Variants in PDE4D observed in about 807,000 individuals in gnomAD.
PDE4D encodes 3',5'-cyclic-AMP phosphodiesterase 4D.
A neutral mutation model predicts 87.4 loss-of-function variants in PDE4D; 24 were observed. The ratio of observed to expected loss-of-function variants is 0.27; its 90% CI spans 0.20 to 0.39. PDE4D has a LOEUF of 0.39. PDE4D is among the 10% of genes least tolerant of loss of function. The pLI is 1.00. For missense variants in PDE4D, 714 were observed against 1,041.0 expected (o/e 0.69, Z 4.32); for synonymous variants, 384 against 383.2 (o/e 1.00, Z -0.02).
intron 1 of PDE4D, among the ~76,000 whole-genome samples, chr5:60,321,723 G>A (rs1489538202): frequency 1.3e-5 from 2 of 152,024 alleles, no homozygotes; most frequent in Non-Finnish European, 2.9e-5. Flanking sequence ...CCATCACAAA[G>A]TGAGCAAAGG....
chr5:59,596,152 C>T (rs1445581557), intron 1 of PDE4D, among the ~76,000 whole-genome samples: 1 of 151,464 alleles, frequency 6.6e-6, no homozygotes, highest in Non-Finnish European at 1.5e-5. Flanking sequence ...TATATAATTA[C>T]ACATCATTGG....
chr5:59,934,089 T>A lies in PDE4D; in HGVS notation c.272+54399A>T, dbSNP rs191865360. Among the ~76,000 whole-genome samples the A allele has an allele frequency of 2.9e-4, 44 of 152,236 alleles. No homozygotes were observed. In the East Asian group the frequency reaches 8.3e-3, roughly 29 times the overall value. Reference sequence around the variant, plus strand: ...ACTTCCGCCTCCCAGGCTCAAACGATTCTCCTGCCCCAGCCTCCAGGCACT... The same window carrying A: ...ACTTCCGCCTCCCAGGCTCAAACGAATCTCCTGCCCCAGCCTCCAGGCACT... On this transcript the variant is annotated intron_variant, in intron 3 of 16. Coordinates refer to the PDE4D transcript ENST00000502484.
intron 3 of PDE4D, among the ~76,000 whole-genome samples, chr5:59,934,780 C>T (rs187161859): frequency 2.2e-4 from 34 of 151,978 alleles, no homozygotes; most frequent in African/African-American, 7.2e-4. Flanking sequence ...AAGATTGGTA[C>T]GAGATCTTTA....
intron 2 of PDE4D, among the ~76,000 whole-genome samples, chr5:59,998,165 T>C (rs893033794): frequency 2.6e-5 from 4 of 152,318 alleles, no homozygotes; most frequent in African/African-American, 9.6e-5. Context: ...GTTTAGCTGA[T>C]ATCAATGTTC....
chr5:59,096,095 T>A (rs1769654312), intron 5 of PDE4D, among the ~76,000 whole-genome samples: 1 of 152,112 alleles, frequency 6.6e-6, no homozygotes, highest in Non-Finnish European at 1.5e-5. Flanking sequence ...TGGGAGTTAG[T>A]GGTAGGGGCA....
chr5:59,070,545 C>T (rs921725974), intron 5 of PDE4D, among the ~76,000 whole-genome samples: 4 of 152,202 alleles, frequency 2.6e-5, no homozygotes, highest in African/African-American at 9.6e-5. Flanking sequence ...ACACTTCACA[C>T]TTCTCATCAC....
chr5:59,392,967 G>A (rs73095461), intron 1 of PDE4D, among the ~76,000 whole-genome samples: 1 of 152,114 alleles, frequency 6.6e-6, no homozygotes. Flanking sequence ...CTCAGCTGAA[G>A]AATGAAAGAC....
intron 5 of PDE4D, among the ~76,000 whole-genome samples, chr5:59,043,414 T>A (rs989775217): frequency 1.3e-5 from 2 of 152,056 alleles, no homozygotes; most frequent in African/African-American, 4.8e-5. Context: ...TCCCAGCTAC[T>A]CGGGAGGCTG....
intron 5 of PDE4D, among the ~76,000 whole-genome samples, chr5:59,046,398 A>C (rs1244026806): frequency 1.3e-5 from 2 of 149,294 alleles, no homozygotes; most frequent in African/African-American, 5.0e-5. Context: ...AAGGGCATGA[A>C]AGAGTGAGAG....
intron 1 of PDE4D, among the ~76,000 whole-genome samples, chr5:59,836,157 A>C (rs904185853): frequency 3.9e-5 from 6 of 152,042 alleles, no homozygotes; most frequent in African/African-American, 1.2e-4. Context: ...TGTGTTCATC[A>C]TTGTCATCAT....
At chr5:59,568,019 A>T (rs1257087356) in intron 1 of PDE4D, among the ~76,000 whole-genome samples, 1 of 152,200 alleles carries the variant, frequency 6.6e-6, no homozygotes, top group African/African-American at 2.4e-5. Flanking sequence ...TATTGCTCAA[A>T]TCTTGGTTTT....
chr5:59,741,091 T>C (rs1391906024), intron 1 of PDE4D, among the ~76,000 whole-genome samples: 1 of 152,148 alleles, frequency 6.6e-6, no homozygotes, highest in African/African-American at 2.4e-5. Context: ...ACTGAATCAA[T>C]GACAAGCTCT....
intron 1 of PDE4D, among the ~76,000 whole-genome samples, chr5:60,377,820 G>A (rs1761545741): frequency 1.3e-5 from 2 of 152,044 alleles, no homozygotes; most frequent in South Asian, 2.1e-4. Context: ...AAAAAGCAAA[G>A]GCAAAGTAAA....
At chr5:59,989,078 T>C (rs977934780) in intron 2 of PDE4D, among the ~76,000 whole-genome samples, 4 of 129,866 alleles carry the variant, frequency 3.1e-5, no homozygotes, top group Admixed American at 8.6e-5. Flanking sequence ...CATTGACATA[T>C]GCATGTGTCA....
intron 1 of PDE4D, among the ~76,000 whole-genome samples, chr5:59,521,969 G>C (rs1167500808): frequency 1.3e-5 from 2 of 152,036 alleles, no homozygotes; most frequent in African/African-American, 4.8e-5. Context: ...GAATGAAAGG[G>C]TTTTTACACT....
At chr5:60,134,918 G>A (rs1487331641) in intron 2 of PDE4D, among the ~76,000 whole-genome samples, 1 of 152,094 alleles carries the variant, frequency 6.6e-6, no homozygotes, top group African/African-American at 2.4e-5. Flanking sequence ...AAGGATTCAG[G>A]ATTTACACCC....
At chr5:59,691,799 AAT>A (rs1296990659) in intron 1 of PDE4D, among the ~76,000 whole-genome samples, 1 of 152,098 alleles carries the variant, frequency 6.6e-6, no homozygotes, top group African/African-American at 2.4e-5. Context: ...TAAGCTTAAT[AAT>A]ATAATAATGA....
chr5:60,517,615 G>T (rs1750859098), intron 1 of PDE4D, among the ~76,000 whole-genome samples: 1 of 151,978 alleles, frequency 6.6e-6, no homozygotes, highest in African/African-American at 2.4e-5. Flanking sequence ...TTGAAGGGAT[G>T]ACCTGCCTGC....
At chr5:60,154,659 A>G (rs1279701663) in intron 2 of PDE4D, among the ~76,000 whole-genome samples, 1 of 152,210 alleles carries the variant, frequency 6.6e-6, no homozygotes, top group Non-Finnish European at 1.5e-5. Flanking sequence ...AGAGTACACC[A>G]CATAAGCAGC....
Sources: allele counts gnomAD v4.1 joint callset (sites outside exome capture counted in the v4.1 genomes callset), GRCh38; gene constraint gnomAD v4.1.1; transcripts MANE v1.5; gene names NCBI Gene and HGNC (gene_info 2026-07-23, HGNC 2026-07-21).